Variants in IFNA10 observed in about 807,000 individuals in gnomAD.
IFNA10 encodes interferon alpha-10.
For synonymous variants in IFNA10, 96 were observed against 83.7 expected (o/e 1.15, Z -0.80); for missense variants, 246 against 213.0 (o/e 1.15, Z -0.96).
In IFNA10 at chr9:21,206,973, C is replaced by A. The variant is rs2230853; in HGVS notation, c.125G>T (p.Gly42Val). The A allele has an allele frequency of 3.1e-6, 5 of 1,613,650 alleles. No individual in the cohort carries two copies. Among genetic ancestry groups the A allele is most frequent in the Non-Finnish European group, 4.2e-6 (5 of 1,180,004 alleles). ...GAAAGGAGAGATTCTTCCCATTTGT[C>A]CCAGGAGTATCAAGGCCCTCCTATT... ...LGNRRALILL[G>V]QMGRISPFSC... The change falls in exon 1 of 1, where the codon GGA becomes GTA. Residue 42 changes from glycine (G) to valine (V), a missense_variant. Transcript: ENST00000357374.
chr9:21,206,483 A>G lies in IFNA10; in HGVS notation c.*45T>C, dbSNP rs769765127. On this transcript the variant is annotated 3_prime_UTR_variant, in exon 1 of 1. Transcript: ENST00000357374. ...ATGGAAGAACTCATGAAAGTGTGAG[A>G]TAATGTATTAGTCAATCAGGATCAT... is the stretch of plus-strand genomic sequence containing the variant. 5 of 1,603,444 alleles carry G rather than the reference A, an allele frequency of 3.1e-6. No homozygotes were observed. In the South Asian group the frequency reaches 5.6e-5, roughly 18 times the overall value.
rs760695440 is a variant in IFNA10, at chr9:21,206,863, C to T, written c.235G>A (p.Val79Ile). Residue 79 changes from valine to isoleucine, a missense_variant, in exon 1 of 1, where the codon GTC becomes ATC. Val to Ile is a conservative substitution (Grantham distance 29). Coordinates refer to ENST00000357374, the MANE Select transcript of IFNA10 (RefSeq NM_002171.2). ...GTCTGCTGGATCATCTCATGGAGGA[C>T]AGAGATGGCTTGAGCCTTCTGGAAC... Reference protein sequence around the residue: ...NQFQKAQAISVLHEMIQQTFN... With the variant: ...NQFQKAQAISILHEMIQQTFN... 1.9e-6 allele frequency: 3 copies of T among 1,613,570 alleles called. No individual in the cohort carries two copies. The highest frequency in any genetic ancestry group is 1.7e-6 in the Non-Finnish European group (2 of 1,179,880).
rs1240589545 is a variant in IFNA10 at position 21,206,901 on chromosome 9, A to C, written c.197T>G (p.Phe66Cys). 1 of 1,613,854 alleles carries C rather than the reference A, an allele frequency of 6.2e-7. No homozygotes were observed. ...AGCCTTCTGGAACTGGTTGCCATCA[A>C]ACTCCTCCTGGGGGATTCGGAAATC... ...RHDFRIPQEE[F>C]DGNQFQKAQA... The change falls in exon 1 of 1, where the codon TTT (phenylalanine) becomes TGT (cysteine). Residue 66 changes from phenylalanine (F) to cysteine (C), a missense_variant. Phe to Cys is a radical substitution (Grantham distance 205, BLOSUM62 -2). Coordinates refer to ENST00000357374, the MANE Select transcript of IFNA10 (RefSeq NM_002171.2).
rs760695440 is a variant in IFNA10 at position 21,206,863 on chromosome 9, C to G, written c.235G>C (p.Val79Leu). Residue 79 changes from valine to leucine, a missense_variant, in exon 1 of 1, where the codon GTC (valine) becomes CTC (leucine). By Grantham distance (32) the Val-to-Leu change is conservative. Transcript: ENST00000357374. ...NQFQKAQAIS[V>L]LHEMIQQTFN... is the part of the protein sequence containing the mutation. ...GTCTGCTGGATCATCTCATGGAGGA[C>G]AGAGATGGCTTGAGCCTTCTGGAAC... 6 of 1,613,688 alleles carry G rather than the reference C, an allele frequency of 3.7e-6. No individual in the cohort carries two copies. Among genetic ancestry groups the G allele is most frequent in the Non-Finnish European group, 4.2e-6 (5 of 1,179,872 alleles).
chr9:21,206,748 T>C lies in IFNA10; in HGVS notation c.350A>G (p.Asn117Ser), dbSNP rs1818278247. 4.3e-6 allele frequency: 7 copies of C among 1,613,140 alleles called. No homozygotes were observed. The highest frequency in any genetic ancestry group is 5.9e-6 in the Non-Finnish European group (7 of 1,179,626). Reference sequence around the variant, plus strand: ...CTGTATCACACATGCTTCCAGGTCATTCAGTTGCTGGTAAAGTTCAGTGGA... The same window carrying C: ...CTGTATCACACATGCTTCCAGGTCACTCAGTTGCTGGTAAAGTTCAGTGGA... ...KFSTELYQQL[N>S]DLEACVIQEV... Residue 117 changes from asparagine to serine, a missense_variant, in exon 1 of 1, where the codon AAT (asparagine) becomes AGT (serine). Asn to Ser is a conservative substitution (Grantham distance 46). Transcript: ENST00000357374.
chr9:21,206,386 C>T lies in IFNA10; in HGVS notation c.*142G>A, dbSNP rs1295586832. 10 of 1,400,112 alleles carry T rather than the reference C, an allele frequency of 7.1e-6. No individual in the cohort carries two copies. The highest frequency in any genetic ancestry group is 7.8e-6 in the Non-Finnish European group (8 of 1,029,522). The allele number at this position is 1,400,112 out of a possible 1,614,324, so 86.7% of individuals were successfully genotyped here. A position where few individuals can be genotyped will look rare whatever the true frequency, so the allele number is the denominator to read the frequency against. ...AGTGCCTGCACAGGTATACACGACA[C>T]TTCTTTACACTGCTGAAAACATTTG... On this transcript the variant is annotated 3_prime_UTR_variant, in exon 1 of 1. Transcript: ENST00000357374.
In IFNA10 at chr9:21,206,470, A is replaced by T; in HGVS notation, c.*58T>A. 1 of 1,591,894 alleles carries T rather than the reference A, an allele frequency of 6.3e-7. No homozygotes were observed. The highest frequency in any genetic ancestry group is 8.5e-7 in the Non-Finnish European group (1 of 1,174,368). ...GTGAGTCTTTGAAATGGAAGAACTC[A>T]TGAAAGTGTGAGATAATGTATTAGT... On this transcript the variant is annotated 3_prime_UTR_variant, in exon 1 of 1. Transcript: ENST00000357374.
Position 21,207,103 on chromosome 9 carries a change from T to A in IFNA10, c.-6A>T. Reference sequence around the variant, plus strand: ...AAAGAAAAGGACAGGGCCATTGGGATGTTGCAAATATTGCTAGGCTACTTG... The same window carrying A: ...AAAGAAAAGGACAGGGCCATTGGGAAGTTGCAAATATTGCTAGGCTACTTG... On this transcript the variant is annotated 5_prime_UTR_variant, in exon 1 of 1. Transcript: ENST00000357374. The A allele has an allele frequency of 2.5e-6, 4 of 1,591,656 alleles. No individual in the cohort carries two copies. The highest frequency in any genetic ancestry group is 3.4e-6 in the Non-Finnish European group (4 of 1,170,594).
In IFNA10 at chr9:21,206,904, T is replaced by A. The variant is rs370524707; in HGVS notation, c.194A>T (p.Glu65Val). 23 of 1,613,690 alleles carry A rather than the reference T, an allele frequency of 1.4e-5. No homozygotes were observed. In the East Asian group the frequency reaches 1.8e-4, roughly 13 times the overall value. The change falls in exon 1 of 1, where the codon GAG becomes GTG. Residue 65 changes from glutamate to valine, a missense_variant. Physicochemically the swap from Glu to Val is moderately radical, Grantham distance 121. Coordinates refer to ENST00000357374, the MANE Select transcript of IFNA10 (RefSeq NM_002171.2). ...CTTCTGGAACTGGTTGCCATCAAAC[T>A]CCTCCTGGGGGATTCGGAAATCATG... Reference protein sequence around the residue: ...DRHDFRIPQEEFDGNQFQKAQ... With the variant: ...DRHDFRIPQEVFDGNQFQKAQ...
the IFNA10 span, chr9:21,206,598 A>ATGACTTTCTT: frequency 6.2e-7 from 1 of 1,613,924 alleles, no homozygotes; most frequent in Non-Finnish European, 8.5e-7. Context: ...TTCTGCTCTG[A>ATGACTTTCTT]CAACCTCCCA....
Position 21,206,645 on chromosome 9 carries a change from A to G in IFNA10, c.453T>C (p.Thr151=). ...LAVRKYFQRI[T]LYLIERKYSP... ...TGTATTTCCTCTCTATTAGATAAAGAGTGATTCTTTGGAAGTATTTCCTCA... is the reference window on the plus strand; with the variant it reads ...TGTATTTCCTCTCTATTAGATAAAGGGTGATTCTTTGGAAGTATTTCCTCA... The change falls in exon 1 of 1, where the codon ACT becomes ACC. Residue 151 remains threonine, a synonymous_variant. Coordinates refer to ENST00000357374, the MANE Select transcript of IFNA10 (RefSeq NM_002171.2). The G allele has an allele frequency of 6.2e-7, 1 of 1,613,878 alleles. No homozygotes were observed. Among genetic ancestry groups the G allele is most frequent in the Middle Eastern group, 1.6e-4 (1 of 6,062 alleles).
Position 21,206,907 on chromosome 9 carries a change from T to C in IFNA10, c.191A>G (p.Glu64Gly). 1 of 1,613,838 alleles carries C rather than the reference T, an allele frequency of 6.2e-7. No homozygotes were observed. The highest frequency in any genetic ancestry group is 1.1e-5 in the South Asian group (1 of 91,076). ...CTGGAACTGGTTGCCATCAAACTCC[T>C]CCTGGGGGATTCGGAAATCATGTCT... is the stretch of plus-strand genomic sequence containing the variant. ...KDRHDFRIPQ[E>G]EFDGNQFQKA... is the part of the protein sequence containing the mutation. The change falls in exon 1 of 1, where the codon GAG (glutamate) becomes GGG (glycine). Residue 64 changes from glutamate (E) to glycine (G), a missense_variant. Coordinates refer to ENST00000357374, the MANE Select transcript of IFNA10 (RefSeq NM_002171.2).
Position 21,206,450 on chromosome 9 carries a change from T to C in IFNA10, c.*78A>G, listed in dbSNP as rs566194408. The C allele has an allele frequency of 3.4e-4, 536 of 1,582,702 alleles. 1 individual carries two copies. The highest frequency in any genetic ancestry group is 1.8e-3 in the Middle Eastern group (8 of 4,348). On this transcript the variant is annotated 3_prime_UTR_variant, in exon 1 of 1. Transcript: ENST00000357374. The stretch of plus-strand genomic sequence containing the variant: ...AACGCGTCGTGGTTATAGAAGTGAG[T>C]CTTTGAAATGGAAGAACTCATGAAA...
Position 21,206,646 on chromosome 9 carries a change from G to C in IFNA10, c.452C>G (p.Thr151Ser), listed in dbSNP as rs751465414. ...GTATTTCCTCTCTATTAGATAAAGA[G>C]TGATTCTTTGGAAGTATTTCCTCAC... ...LAVRKYFQRI[T>S]LYLIERKYSP... Residue 151 changes from threonine (T) to serine (S), a missense_variant, in exon 1 of 1, where the codon ACT becomes AGT. Coordinates refer to ENST00000357374, the MANE Select transcript of IFNA10 (RefSeq NM_002171.2). 8.1e-6 allele frequency: 13 copies of C among 1,613,898 alleles called. No homozygotes were observed. In the South Asian group the frequency reaches 1.2e-4, roughly 15 times the overall value.
In IFNA10 at chr9:21,206,661, T is replaced by G. The variant is rs139697457; in HGVS notation, c.437A>C (p.Tyr146Ser). The change falls in exon 1 of 1, where the codon TAC (tyrosine) becomes TCC (serine). Residue 146 changes from tyrosine (Y) to serine (S), a missense_variant. Physicochemically the swap from Tyr to Ser is moderately radical, Grantham distance 144. Transcript: ENST00000357374. Reference protein sequence around the residue: ...NEDSILAVRKYFQRITLYLIE... With the variant: ...NEDSILAVRKSFQRITLYLIE... ...TAGATAAAGAGTGATTCTTTGGAAG[T>G]ATTTCCTCACAGCCAGGATGGAGTC... The G allele has an allele frequency of 1.2e-3, 1,884 of 1,613,948 alleles. 4 individuals carry two copies. The highest frequency in any genetic ancestry group is 1.5e-3 in the Non-Finnish European group (1,794 of 1,180,006).
Position 21,206,682 on chromosome 9 carries a change from G to T in IFNA10, c.416C>A (p.Ser139Tyr), listed in dbSNP as rs545797733. 2.0e-5 allele frequency: 33 copies of T among 1,613,780 alleles called. No homozygotes were observed. The African/African-American group carries it at 4.0e-4, about 20-fold the overall frequency. Residue 139 changes from serine (S) to tyrosine (Y), a missense_variant, in exon 1 of 1, where the codon TCC becomes TAC. Physicochemically the swap from Ser to Tyr is moderately radical, Grantham distance 144. Coordinates refer to ENST00000357374, the MANE Select transcript of IFNA10 (RefSeq NM_002171.2). ...VEETPLMNED[S>Y]ILAVRKYFQR... ...GAAGTATTTCCTCACAGCCAGGATG[G>T]AGTCCTCATTCATCAGGGGAGTCTC...
rs746049434 is a variant in IFNA10, at chr9:21,206,482, G to C, written c.*46C>G. The stretch of plus-strand genomic sequence containing the variant: ...AATGGAAGAACTCATGAAAGTGTGA[G>C]ATAATGTATTAGTCAATCAGGATCA... On this transcript the variant is annotated 3_prime_UTR_variant, in exon 1 of 1. Coordinates refer to ENST00000357374, the MANE Select transcript of IFNA10 (RefSeq NM_002171.2). 11 of 1,601,900 alleles carry C rather than the reference G, an allele frequency of 6.9e-6. No homozygotes were observed. The highest frequency in any genetic ancestry group is 5.6e-5 in the South Asian group (5 of 88,822).
rs1295558440 is a variant in IFNA10 at position 21,206,216 on chromosome 9, T to C, written c.*312A>G. ...AATTTAATGAAAAAGGAAATTAATA[T>C]ATTGGCTAAATATGAAGAACATATA... On this transcript the variant is annotated 3_prime_UTR_variant, in exon 1 of 1. Transcript: ENST00000357374. 5.3e-6 allele frequency: 1 copy of C among 187,488 alleles called. No individual in the cohort carries two copies. The highest frequency in any genetic ancestry group is 6.1e-5 in the Admixed American group (1 of 16,374). 11.6% of individuals were successfully genotyped at this position (187,488 alleles called of 1,614,324 possible).
At position 21,206,718 on chromosome 9, in the gene IFNA10, A is replaced by G. The variant is rs754534725; in HGVS notation, c.380T>C (p.Val127Ala). The change falls in exon 1 of 1, where the codon GTT becomes GCT. Residue 127 changes from valine (V) to alanine (A), a missense_variant. Coordinates refer to ENST00000357374, the MANE Select transcript of IFNA10 (RefSeq NM_002171.2). ...NDLEACVIQE[V>A]GVEETPLMNE... ...CATCAGGGGAGTCTCTTCCACCCCA[A>G]CCTCCTGTATCACACATGCTTCCAG... 2.5e-6 allele frequency: 4 copies of G among 1,613,434 alleles called. No individual in the cohort carries two copies. Among genetic ancestry groups the G allele is most frequent in the Admixed American group, 3.3e-5 (2 of 59,936 alleles).
Sources: gnomAD v4.1 joint callset for allele counts on GRCh38, gnomAD v4.1.1 for gene constraint, MANE v1.5 for transcripts, NCBI Gene and HGNC (gene_info 2026-07-23, HGNC 2026-07-21) for gene names.